Variants in NDUFV2 observed in about 807,000 individuals in gnomAD.
NDUFV2 encodes NADH dehydrogenase [ubiquinone] flavoprotein 2, mitochondrial.
NDUFV2 carries 18 observed loss-of-function variants against 31.6 expected under a neutral mutation model. The ratio of observed to expected loss-of-function variants is 0.57; its 90% CI spans 0.39 to 0.84. The LOEUF (loss-of-function observed/expected upper bound fraction) is 0.84, where lower values mean the gene tolerates loss of function less well. Ranked by LOEUF, NDUFV2 falls within the 40% of genes least tolerant of loss-of-function variation. NDUFV2 has a pLI of 0.00. For missense variants in NDUFV2, 314 were observed against 303.6 expected (o/e 1.03, Z -0.26); for synonymous variants, 83 against 99.8 (o/e 0.83, Z 1.01).
chr18:9,109,795 A>C (rs1005374896), intron 1 of NDUFV2, among the ~76,000 whole-genome samples: 9 of 152,222 alleles, frequency 5.9e-5, no homozygotes, highest in Non-Finnish European at 1.2e-4. Context: ...GAAAAAAAGT[A>C]TGTAGAAGAG....
Position 9,134,340 on chromosome 18 carries a change from A to C in NDUFV2, c.*61A>C, listed in dbSNP as rs2078066224. On this transcript the variant is annotated 3_prime_UTR_variant, in exon 8 of 8. Coordinates refer to ENST00000318388, the MANE Select transcript of NDUFV2 (RefSeq NM_021074.5). ...AAAATATGGACTTCCAATCTACGTA[A>C]ACTTATTTGTTTATTCTGCTCTGTG... The C allele has an allele frequency of 3.9e-6, 5 of 1,284,460 alleles. No individual in the cohort carries two copies. Among genetic ancestry groups the C allele is most frequent in the Non-Finnish European group, 3.4e-6 (3 of 884,502 alleles). The allele number at this position is 1,284,460 out of a possible 1,614,324, so 79.6% of individuals were successfully genotyped here.
intron 5 of NDUFV2, among the ~76,000 whole-genome samples, chr18:9,124,488 G>A (rs1337214719): frequency 8.9e-6 from 1 of 112,146 alleles, no homozygotes; most frequent in African/African-American, 3.5e-5. Context: ...TTGCTCTGTT[G>A]CCCAGGCTGG....
At chr18:9,118,304 A>G (rs1387410398) in intron 2 of NDUFV2, among the ~76,000 whole-genome samples, 1 of 152,156 alleles carries the variant, frequency 6.6e-6, no homozygotes, top group African/African-American at 2.4e-5. Flanking sequence ...TGGTCTTTAT[A>G]TTTTTAGTTT....
intron 7 of NDUFV2, among the ~76,000 whole-genome samples, chr18:9,130,467 A>C (rs1056102854): frequency 1.3e-5 from 2 of 152,190 alleles, no homozygotes; most frequent in Non-Finnish European, 2.9e-5. Flanking sequence ...AGCAGACAAA[A>C]GTCTACTTAG....
rs200691654 is a variant in NDUFV2 at position 9,124,976 on chromosome 18, A to C, written c.572A>C (p.Asn191Thr). The change falls in exon 6 of 8, where the codon AAT becomes ACT. Residue 191 changes from asparagine (N) to threonine (T), a missense_variant. Coordinates refer to ENST00000318388, the MANE Select transcript of NDUFV2 (RefSeq NM_021074.5). ...GCACCAATGGTTCAAATAAATGACA[A>C]TTACTATGTGAGTATTTCAGGTAAT... ...VNAPMVQIND[N>T]YYEDLTAKDI... is the part of the protein sequence containing the mutation. The C allele has an allele frequency of 6.2e-7, 1 of 1,613,412 alleles. No individual in the cohort carries two copies. Among genetic ancestry groups the C allele is most frequent in the African/African-American group, 1.3e-5 (1 of 75,006 alleles).
In NDUFV2 at chr18:9,122,666, A is replaced by C. The variant is rs866590378; in HGVS notation, c.454A>C (p.Ile152Leu). 3.7e-6 allele frequency: 6 copies of C among 1,613,842 alleles called. No individual in the cohort carries two copies. The African/African-American group carries it at 4.0e-5, about 11-fold the overall frequency. Residue 152 changes from isoleucine (I) to leucine (L), a missense_variant, in exon 5 of 8, where the codon ATT becomes CTT. Ile to Leu is a conservative substitution (Grantham distance 5, BLOSUM62 2). Coordinates refer to ENST00000318388, the MANE Select transcript of NDUFV2 (RefSeq NM_021074.5). ...AAACTCTGACAGCATACTGGAGGCC[A>C]TTCAGAAAAAGCTTGGTAGGGAATA... is the stretch of plus-strand genomic sequence containing the variant. ...LRNSDSILEA[I>L]QKKLGIKVGE...
intron 1 of NDUFV2, chr18:9,104,111 AT>A: frequency 6.2e-7 from 1 of 1,607,108 alleles, no homozygotes; most frequent in Non-Finnish European, 8.5e-7. Context: ...CCTGAAGGTA[AT>A]ACTAACAGAT....
intron 7 of NDUFV2, among the ~76,000 whole-genome samples, chr18:9,127,456 TTG>T (rs1055536737): frequency 1.3e-5 from 2 of 152,202 alleles, no homozygotes; most frequent in African/African-American, 2.4e-5. Flanking sequence ...TCATGGTTTT[TTG>T]TCTTTTTTAT....
intron 7 of NDUFV2, among the ~76,000 whole-genome samples, 178 bp downstream of exon 7, chr18:9,127,085 G>C (rs2077997548): frequency 6.6e-6 from 1 of 152,086 alleles, no homozygotes; most frequent in Non-Finnish European, 1.5e-5. Context: ...AACCCTGTCT[G>C]ATAATCATCC....
At chr18:9,123,375 A>C (rs2077956901) in intron 5 of NDUFV2, among the ~76,000 whole-genome samples, 1 of 152,186 alleles carries the variant, frequency 6.6e-6, no homozygotes, top group South Asian at 2.1e-4. Flanking sequence ...TATTAGTTGT[A>C]GATTTTATAT....
intron 1 of NDUFV2, among the ~76,000 whole-genome samples, chr18:9,115,486 A>C (rs1419476787): frequency 6.6e-6 from 1 of 152,208 alleles, no homozygotes; most frequent in Non-Finnish European, 1.5e-5. Context: ...AATAGGAACA[A>C]CATGTTTTCA....
chr18:9,127,486 C>T (rs1040733956), intron 7 of NDUFV2, among the ~76,000 whole-genome samples: 8 of 152,056 alleles, frequency 5.3e-5, no homozygotes, highest in African/African-American at 9.7e-5. Context: ...TATTTTGAGA[C>T]GGAGTCTCAC....
chr18:9,127,046 A>C, intron 7 of NDUFV2, 139 bp downstream of exon 7: 9 of 739,380 alleles, frequency 1.2e-5, no homozygotes, highest in Admixed American at 2.2e-5. Context: ...TATGAATCTC[A>C]TCTAGAGCAA....
chr18:9,130,845 A>G (rs899258070), intron 7 of NDUFV2, among the ~76,000 whole-genome samples: 2 of 152,236 alleles, frequency 1.3e-5, no homozygotes, highest in African/African-American at 4.8e-5. Context: ...CAAAATTAGT[A>G]AAAGACTGAT....
chr18:9,126,713 T>C (rs1023990317), intron 6 of NDUFV2, 118 bp from the exon 7 acceptor site: 5 of 856,130 alleles, frequency 5.8e-6, no homozygotes, highest in Non-Finnish European at 9.7e-6. Flanking sequence ...GGTAGGAGGA[T>C]TGCTTAAGCC....
rs143143153 is a variant in NDUFV2, at chr18:9,114,387, CAACT to C, written c.55-3447_55-3444del. Among the ~76,000 whole-genome samples, 980 of 148,406 alleles carry C rather than the reference CAACT, an allele frequency of 6.6e-3. 12 individuals are homozygous for C. Among genetic ancestry groups the C allele is most frequent in the African/African-American group, 0.023 (933 of 40,694 alleles). ...TTTGACAGTAACTCTTTGATAAAGT[CAACT>C]AACAGCACAATTTTTTAAAAATAGG... On this transcript the variant is annotated intron_variant, in intron 1 of 7. Coordinates refer to ENST00000318388, the MANE Select transcript of NDUFV2 (RefSeq NM_021074.5).
At position 9,102,794 on chromosome 18, in the gene NDUFV2, C is replaced by G. The variant is rs764178231; in HGVS notation, c.51C>G (p.His17Gln). The change falls in exon 1 of 8, where the codon CAC becomes CAG. Residue 17 changes from histidine to glutamine, a missense_variant. Coordinates refer to ENST00000318388, the MANE Select transcript of NDUFV2 (RefSeq NM_021074.5). The part of the protein sequence containing the change: ...LRARAAGLTA[H>Q]WGRHVRNLHK... ...CCCGGGCGGCTGGCCTCACCGCCCA[C>G]TGGGTAAGGAGGCTCAAGCTGAGCC... 5.7e-6 allele frequency: 9 copies of G among 1,570,584 alleles called. No homozygotes were observed. The highest frequency in any genetic ancestry group is 7.8e-6 in the Non-Finnish European group (9 of 1,160,100).
intron 4 of NDUFV2, among the ~76,000 whole-genome samples, chr18:9,122,243 TAC>T: frequency 6.6e-6 from 1 of 152,302 alleles, no homozygotes; most frequent in Admixed American, 6.5e-5. Flanking sequence ...AATATCCTTT[TAC>T]AGAGGTGAGA....
rs2077975056 is a variant in NDUFV2, at chr18:9,124,893, TACACCTGACAA to T, written c.492_502del (p.Pro165PhefsTer22). 8 of 1,612,354 alleles carry T rather than the reference TACACCTGACAA, an allele frequency of 5.0e-6. No homozygotes were observed. In the South Asian group the frequency reaches 8.8e-5, roughly 18 times the overall value. ...TTTTAGGAATAAAGGTTGGGGAGAC[TACACCTGACAA>T]ACTTTTCACTCTTATAGAAGTGGAA... On this transcript the variant is annotated frameshift_variant, in exon 6 of 8. Coordinates refer to ENST00000318388, the MANE Select transcript of NDUFV2 (RefSeq NM_021074.5). LOFTEE classifies it high-confidence loss of function.
Sources: allele counts gnomAD v4.1 joint callset (sites outside exome capture counted in the v4.1 genomes callset), GRCh38; gene constraint gnomAD v4.1.1; transcripts MANE v1.5; gene names NCBI Gene and HGNC (gene_info 2026-07-23, HGNC 2026-07-21).